The following DNAH14 variants were observed in gnomAD, a reference collection of about 807,000 sequenced individuals.
The protein encoded by DNAH14 is axonemal beta dynein heavy chain 14.
Under a neutral mutation model 520.9 loss-of-function variants are expected in DNAH14, and 478 were observed. The observed-to-expected ratio is 0.92, with a 90% CI of 0.85 to 0.99. The LOEUF (loss-of-function observed/expected upper bound fraction) is 0.99. DNAH14 is among the 50% of genes least tolerant of loss of function. DNAH14 has a pLI of 0.00. For missense variants in DNAH14, 4,831 were observed against 5,234.5 expected (o/e 0.92, Z 2.38); for synonymous variants, 1,581 against 1,757.2 (o/e 0.90, Z 2.51).
chr1:224,961,532 C>G (rs2060844430), intron 4 of DNAH14, among the ~76,000 whole-genome samples: 1 of 152,060 alleles, frequency 6.6e-6, no homozygotes, highest in African/African-American at 2.4e-5. Context: ...GCACCTTCTT[C>G]ACAGTATGGC....
intron 17 of DNAH14, among the ~76,000 whole-genome samples, chr1:225,054,816 GC>G (rs2068871135): frequency 6.6e-6 from 1 of 151,770 alleles, no homozygotes; most frequent in African/African-American, 2.4e-5. Flanking sequence ...GTTAATTTTT[GC>G]CCGTTGCTTT....
At chr1:224,934,610 C>G (rs1004339247) in intron 1 of DNAH14, among the ~76,000 whole-genome samples, 11 of 151,556 alleles carry the variant, frequency 7.3e-5, no homozygotes, top group African/African-American at 2.7e-4. Flanking sequence ...ATTAGAAAAC[C>G]TGTTTTACAA....
In DNAH14 at chr1:225,050,222, C is replaced by T. The variant is rs746355585; in HGVS notation, c.1925C>T (p.Pro642Leu). The change falls in exon 16 of 86, where the codon CCT (proline) becomes CTT (leucine). Residue 642 changes from proline to leucine, a missense_variant. Coordinates refer to ENST00000682510, the MANE Select transcript of DNAH14 (RefSeq NM_001367479.1). ...NMEKCITTIT[P>L]LCQDPQLSIF... ...TTATATATTTTAGCCACAATTACTC[C>T]TCTTTGCCAAGATCCCCAGCTGTCT... 4.0e-5 allele frequency: 61 copies of T among 1,534,876 alleles called. No homozygotes were observed. The highest frequency in any genetic ancestry group is 4.9e-5 in the East Asian group (2 of 40,698).
At chr1:225,350,871 C>G (rs2095355611) in intron 71 of DNAH14, among the ~76,000 whole-genome samples, 1 of 152,088 alleles carries the variant, frequency 6.6e-6, no homozygotes, top group Non-Finnish European at 1.5e-5. Flanking sequence ...GACAGAAACA[C>G]TTCCTAACTC....
At chr1:225,222,577 AT>A (rs951617819) in intron 41 of DNAH14, among the ~76,000 whole-genome samples, 17 of 152,114 alleles carry the variant, frequency 1.1e-4, no homozygotes, top group African/African-American at 3.9e-4. Flanking sequence ...TGTCCTGCTG[AT>A]TGGTCCATTT....
In DNAH14 at chr1:225,393,819, T is replaced by G. The variant is rs80251744; in HGVS notation, c.13491+1368T>G. 3.4e-3 allele frequency among the ~76,000 whole-genome samples: 472 copies of G among 139,220 alleles called. 8 individuals are homozygous for G. The highest frequency in any genetic ancestry group is 4.2e-3 in the Non-Finnish European group (267 of 63,170). 91.3% of individuals were successfully genotyped at this position (139,220 alleles called of 152,430 possible). A position where few individuals can be genotyped will look rare whatever the true frequency, so the allele number is the denominator to read the frequency against. On this transcript the variant is annotated intron_variant, in intron 84 of 85. Coordinates refer to ENST00000682510, the MANE Select transcript of DNAH14 (RefSeq NM_001367479.1). ...GCAGTGATATATCTTTTTTTGTTTT[T>G]TTTTTGTTTTTTTTTTTGAGACGGA... is the stretch of plus-strand genomic sequence containing the variant.
chr1:225,294,036 T>G (rs1020349976), intron 55 of DNAH14, among the ~76,000 whole-genome samples: 6 of 152,132 alleles, frequency 3.9e-5, no homozygotes, highest in Non-Finnish European at 8.8e-5. Context: ...AGGAAAAGCT[T>G]TGAGCTTTTC....
intron 41 of DNAH14, among the ~76,000 whole-genome samples, chr1:225,208,380 G>A (rs1002480058): frequency 6.6e-6 from 1 of 152,108 alleles, no homozygotes; most frequent in South Asian, 2.1e-4. Flanking sequence ...TGCTGGATTG[G>A]TTAGCTGTAT....
chr1:225,016,271 T>A (rs1359183353), intron 10 of DNAH14, among the ~76,000 whole-genome samples: 5 of 152,194 alleles, frequency 3.3e-5, no homozygotes, highest in African/African-American at 7.2e-5. Flanking sequence ...AGTTTTTGCT[T>A]ATCTGTAAAA....
At chr1:225,120,673 G>A (rs955468089) in intron 26 of DNAH14, among the ~76,000 whole-genome samples, 6 of 152,170 alleles carry the variant, frequency 3.9e-5, no homozygotes, top group Admixed American at 6.5e-5. Flanking sequence ...AATGTCCTAA[G>A]TTACAATTTT....
chr1:225,090,267 C>T (rs1383554783), intron 21 of DNAH14, among the ~76,000 whole-genome samples: 1 of 152,074 alleles, frequency 6.6e-6, no homozygotes, highest in Non-Finnish European at 1.5e-5. Context: ...ATGGAAGATA[C>T]ATTGTGTTCA....
chr1:224,934,327 T>G (rs2058888925), intron 1 of DNAH14, among the ~76,000 whole-genome samples: 1 of 151,952 alleles, frequency 6.6e-6, no homozygotes. Flanking sequence ...CCTAAAGAGA[T>G]AAGATTCTTT....
At chr1:225,272,132 A>ACTGTCAACATTAG in intron 51 of DNAH14, 59 bp downstream of exon 51, 1 of 1,440,800 alleles carries the variant, frequency 6.9e-7, no homozygotes, top group Non-Finnish European at 9.4e-7. Flanking sequence ...TCTCTCTCAT[A>ACTGTCAACATTAG]CTGTCAACAT....
At chr1:225,012,981 T>A (rs947531063) in intron 10 of DNAH14, among the ~76,000 whole-genome samples, 2 of 152,168 alleles carry the variant, frequency 1.3e-5, no homozygotes, top group Non-Finnish European at 2.9e-5. Flanking sequence ...TCAAACTCAT[T>A]CTCCATCCAG....
intron 54 of DNAH14, among the ~76,000 whole-genome samples, chr1:225,287,810 G>A (rs2093781552): frequency 6.6e-6 from 1 of 152,104 alleles, no homozygotes; most frequent in Non-Finnish European, 1.5e-5. Flanking sequence ...TACAAGTGAA[G>A]TGCTAAAATA....
intron 15 of DNAH14, among the ~76,000 whole-genome samples, chr1:225,047,692 T>G (rs924017933): frequency 2.6e-5 from 4 of 152,222 alleles, no homozygotes; most frequent in African/African-American, 9.6e-5. Context: ...TGCTACTCCT[T>G]GCTTCTGCGA....
intron 13 of DNAH14, 22 bp downstream of exon 13, chr1:225,043,136 A>C (rs776937952): frequency 6.5e-7 from 1 of 1,536,772 alleles, no homozygotes. Context: ...GAGACTATAA[A>C]GAATGAGGGG....
At chr1:225,100,314 A>G (rs1029976299) in intron 22 of DNAH14, among the ~76,000 whole-genome samples, 2 of 151,928 alleles carry the variant, frequency 1.3e-5, no homozygotes, top group Admixed American at 1.3e-4. Context: ...TCAAAGCTCT[A>G]CTCCTTTAAA....
chr1:225,254,207 A>G (rs1012191506), intron 44 of DNAH14, among the ~76,000 whole-genome samples: 5 of 152,142 alleles, frequency 3.3e-5, no homozygotes, highest in African/African-American at 1.2e-4. Context: ...GAGCTGACAT[A>G]TAGACCATGG....
Sources: gnomAD v4.1 joint callset for allele counts (sites outside exome capture counted in the v4.1 genomes callset) on GRCh38, gnomAD v4.1.1 for gene constraint, MANE v1.5 for transcripts, NCBI Gene and HGNC (gene_info 2026-07-23, HGNC 2026-07-21) for gene names.